The following GRHL2 variants were observed in gnomAD, a reference collection of about 807,000 sequenced individuals.
GRHL2 encodes grainyhead like transcription factor 2.
In GRHL2, 21 loss-of-function variants were observed where a neutral mutation model predicts 83.8. That is an observed-to-expected ratio of 0.25 (90% CI 0.18 to 0.36). The LOEUF is 0.36. Ranked by LOEUF, GRHL2 falls within the 10% of genes least tolerant of loss-of-function variation. The probability of loss-of-function intolerance (pLI) is 1.00; values close to 1 mark genes in which losing one functional copy is unlikely to be tolerated. For missense variants in GRHL2, 623 were observed against 781.8 expected, an observed-to-expected ratio of 0.80 and a Z score of 2.42; for synonymous variants, 280 against 278.9, an observed-to-expected ratio of 1.00 and a Z score of -0.04.
intron 7 of GRHL2, among the ~76,000 whole-genome samples, chr8:101,587,277 A>G (rs1361462724): frequency 2.6e-5 from 4 of 152,228 alleles, no homozygotes; most frequent in Admixed American, 6.5e-5. Flanking sequence ...GCAGTTAACC[A>G]GAAGGAATGT....
chr8:101,508,566 A>T (rs1171120083), intron 1 of GRHL2, among the ~76,000 whole-genome samples: 1 of 152,108 alleles, frequency 6.6e-6, no homozygotes, highest in Non-Finnish European at 1.5e-5. Context: ...TTCTCTCAGT[A>T]CGTCATTGGG....
At chr8:101,501,442 C>G (rs940813937) in intron 1 of GRHL2, among the ~76,000 whole-genome samples, 1 of 152,006 alleles carries the variant, frequency 6.6e-6, no homozygotes, top group Admixed American at 6.6e-5. Flanking sequence ...TTTTTAAGGC[C>G]CATGAATTTA....
intron 4 of GRHL2, among the ~76,000 whole-genome samples, chr8:101,562,761 C>T (rs1174096994): frequency 1.3e-5 from 2 of 152,170 alleles, no homozygotes; most frequent in Admixed American, 1.3e-4. Context: ...TAGCTCAGAT[C>T]AGCTTCTTCA....
chr8:101,676,002 G>C, the GRHL2 span, among the ~76,000 whole-genome samples: 3 of 152,138 alleles, frequency 2.0e-5, no homozygotes, highest in Non-Finnish European at 4.4e-5. Context: ...AAACTGGCTG[G>C]CCATATGTAG....
chr8:101,603,042 A>G (rs1006861856), intron 8 of GRHL2, among the ~76,000 whole-genome samples: 7 of 152,238 alleles, frequency 4.6e-5, no homozygotes, highest in East Asian at 1.9e-4. Context: ...AATGCTCACA[A>G]TAGTGGTAAA....
intron 12 of GRHL2, among the ~76,000 whole-genome samples, chr8:101,640,239 G>A (rs1190855812): frequency 6.6e-6 from 1 of 152,090 alleles, no homozygotes; most frequent in Non-Finnish European, 1.5e-5. Context: ...AAAAATAGCA[G>A]GATAATAATA....
rs1440097204 is a variant in GRHL2, at chr8:101,652,586, GTCT to G, written c.1698+3088_1698+3090del. Among the ~76,000 whole-genome samples, 51 of 71,474 alleles carry G rather than the reference GTCT, an allele frequency of 7.1e-4. No individual in the cohort carries two copies. In the East Asian group the frequency reaches 0.016, roughly 22 times the overall value. 46.9% of individuals were successfully genotyped at this position (71,474 alleles called of 152,430 possible). On this transcript the variant is annotated intron_variant, in intron 14 of 15. Transcript: ENST00000646743. ...GTGGTGTGTGTGTGGTGTGTGTGGT[GTCT>G]GTGTGTGTGTGGTGTGTGTGTGTGG...
chr8:101,634,634 A>C (rs1299296737), intron 11 of GRHL2, among the ~76,000 whole-genome samples: 1 of 152,174 alleles, frequency 6.6e-6, no homozygotes, highest in African/African-American at 2.4e-5. Context: ...AATTAGCTGC[A>C]ATGCAGTTGT....
At chr8:101,587,104 TA>T (rs1287725762) in intron 7 of GRHL2, among the ~76,000 whole-genome samples, 1 of 152,208 alleles carries the variant, frequency 6.6e-6, no homozygotes, top group Non-Finnish European at 1.5e-5. Flanking sequence ...GCAAATTTTT[TA>T]AAACAAGTAG....
intron 14 of GRHL2, among the ~76,000 whole-genome samples, chr8:101,650,159 A>C (rs1262516736): frequency 6.6e-6 from 1 of 152,218 alleles, no homozygotes; most frequent in Non-Finnish European, 1.5e-5. Context: ...TGATAGAGAC[A>C]ACAGGACTGC....
the GRHL2 span, among the ~76,000 whole-genome samples, chr8:101,675,949 A>G: frequency 6.6e-6 from 1 of 152,190 alleles, no homozygotes; most frequent in Non-Finnish European, 1.5e-5. Flanking sequence ...GAGAAAAACA[A>G]GCAATGGAGA....
intron 8 of GRHL2, among the ~76,000 whole-genome samples, chr8:101,618,640 G>A (rs534163144): frequency 2.4e-4 from 36 of 152,002 alleles, no homozygotes; most frequent in Middle Eastern, 6.8e-3. Flanking sequence ...TCCCAATCTC[G>A]TAGGCTTTCT....
intron 4 of GRHL2, among the ~76,000 whole-genome samples, chr8:101,559,239 C>T (rs557021626): frequency 2.6e-5 from 4 of 151,420 alleles, no homozygotes; most frequent in East Asian, 3.9e-4. Flanking sequence ...TGGCTGGACG[C>T]GGTGGCTCAT....
intron 1 of GRHL2, among the ~76,000 whole-genome samples, chr8:101,513,818 T>C (rs1017432357): frequency 6.6e-6 from 1 of 152,112 alleles, no homozygotes; most frequent in Non-Finnish European, 1.5e-5. Flanking sequence ...GATATCTGTG[T>C]TATACCAGCT....
At chr8:101,591,273 C>G (rs560598936) in intron 7 of GRHL2, among the ~76,000 whole-genome samples, 1 of 152,092 alleles carries the variant, frequency 6.6e-6, no homozygotes, top group Non-Finnish European at 1.5e-5. Flanking sequence ...CAGCCCTTTG[C>G]AGAAGCACTG....
intron 1 of GRHL2, among the ~76,000 whole-genome samples, chr8:101,493,600 C>G (rs1810021582): frequency 6.6e-6 from 1 of 152,136 alleles, no homozygotes; most frequent in Non-Finnish European, 1.5e-5. Context: ...CACCCGCGCC[C>G]CCGACGGCGT....
At chr8:101,644,010 A>G in intron 12 of GRHL2, 121 bp from the exon 13 acceptor site, 1 of 833,968 alleles carries the variant, frequency 1.2e-6, no homozygotes, top group Non-Finnish European at 2.0e-6. Context: ...TGGTGAGTAG[A>G]TCCAGTTACG....
rs1372037962 is a variant in GRHL2 at position 101,668,481 on chromosome 8, A to T, written c.*1778A>T. The T allele has an allele frequency of 1.3e-5, 2 of 152,648 alleles. No individual in the cohort carries two copies. The highest frequency in any genetic ancestry group is 2.9e-5 in the Non-Finnish European group (2 of 68,114). 9.5% of individuals were successfully genotyped at this position (152,648 alleles called of 1,614,324 possible). A position where few individuals can be genotyped will look rare whatever the true frequency, so the allele number is the denominator to read the frequency against. ...GGGACAGAGGGCAGGTGCTGTGGCCAAGAAGATCTCCGAGCAGCAGTGACG... is the reference window on the plus strand; with the variant it reads ...GGGACAGAGGGCAGGTGCTGTGGCCTAGAAGATCTCCGAGCAGCAGTGACG... On this transcript the variant is annotated 3_prime_UTR_variant, in exon 16 of 16. Transcript: ENST00000646743.
chr8:101,621,812 T>A (rs568057125), intron 9 of GRHL2, among the ~76,000 whole-genome samples: 1 of 152,176 alleles, frequency 6.6e-6, no homozygotes, highest in East Asian at 1.9e-4. Context: ...GCAGGAGGAT[T>A]TCTTGAGTCC....
Sources: gnomAD v4.1 joint callset for allele counts (sites outside exome capture counted in the v4.1 genomes callset) on GRCh38, gnomAD v4.1.1 for gene constraint, MANE v1.5 for transcripts, NCBI Gene and HGNC (gene_info 2026-07-23, HGNC 2026-07-21) for gene names.